The following TMEM131 variants were observed in gnomAD, a reference collection of about 807,000 sequenced individuals.
TMEM131 encodes the protein transmembrane protein 131.
Under a neutral mutation model 211.6 loss-of-function variants are expected in TMEM131, and 66 were observed. The observed-to-expected ratio is 0.31, with a 90% CI of 0.26 to 0.38. The LOEUF is 0.38. Among genes scored for constraint, TMEM131 ranks in the 10% least tolerant of loss-of-function variants. The probability of loss-of-function intolerance (pLI) is 1.00; values close to 1 mark genes in which losing one functional copy is unlikely to be tolerated. For synonymous variants in TMEM131, 844 were observed against 841.3 expected (o/e 1.00, Z -0.06); for missense variants, 2,036 against 2,299.3 (o/e 0.89, Z 2.34).
chr2:97,818,481 G>GGGGGAAAAAAAAAAAAA, intron 12 of TMEM131, 132 bp downstream of exon 12: 1 of 292,098 alleles, frequency 3.4e-6, no homozygotes, highest in Non-Finnish European at 6.4e-6. Flanking sequence ...GGCGGGGGGG[G>GGGGGAAAAAAAAAAAAA]ATCAACCTAA....
intron 17 of TMEM131, 62 bp from the exon 18 acceptor site, chr2:97,811,294 G>T (rs528411211): frequency 2.5e-6 from 3 of 1,207,946 alleles, no homozygotes; most frequent in Admixed American, 1.7e-5. Flanking sequence ...CTATTAAAAT[G>T]GACATGAAGG....
chr2:97,988,495 C>A (rs1015331753), intron 1 of TMEM131, among the ~76,000 whole-genome samples: 4 of 152,130 alleles, frequency 2.6e-5, no homozygotes, highest in African/African-American at 9.7e-5. Context: ...AAAAGGCAAC[C>A]TGCCAAATGG....
chr2:97,902,191 G>A (rs1241782968), intron 3 of TMEM131, among the ~76,000 whole-genome samples: 3 of 152,030 alleles, frequency 2.0e-5, no homozygotes, highest in African/African-American at 7.2e-5. Context: ...GTGGGGGTGG[G>A]AGAAGGATGA....
intron 1 of TMEM131, among the ~76,000 whole-genome samples, chr2:97,934,714 T>C (rs1401691497): frequency 2.6e-5 from 4 of 152,146 alleles, no homozygotes; most frequent in Non-Finnish European, 5.9e-5. Flanking sequence ...GAACCATATA[T>C]GCCTCACTGG....
At chr2:97,828,776 C>T (rs1682517005) in intron 11 of TMEM131, among the ~76,000 whole-genome samples, 1 of 152,210 alleles carries the variant, frequency 6.6e-6, no homozygotes, top group Non-Finnish European at 1.5e-5. Flanking sequence ...TCAGACAACG[C>T]CTTTCAAACT....
chr2:97,945,626 T>C (rs1308282484), intron 1 of TMEM131, among the ~76,000 whole-genome samples: 1 of 152,122 alleles, frequency 6.6e-6, no homozygotes, highest in Non-Finnish European at 1.5e-5. Context: ...CTTTCATGGA[T>C]ACAAATTCAT....
chr2:97,822,152 A>G (rs1316941496), intron 11 of TMEM131, among the ~76,000 whole-genome samples: 1 of 152,124 alleles, frequency 6.6e-6, no homozygotes, highest in Non-Finnish European at 1.5e-5. Context: ...ATGCCTTTCT[A>G]GTTTCTCCTA....
intron 1 of TMEM131, among the ~76,000 whole-genome samples, chr2:97,942,756 T>C (rs1456275977): frequency 6.6e-6 from 1 of 152,006 alleles, no homozygotes; most frequent in Non-Finnish European, 1.5e-5. Flanking sequence ...GTGGCTTCAC[T>C]GATGAATTCT....
intron 1 of TMEM131, among the ~76,000 whole-genome samples, chr2:97,935,210 A>G (rs759322463): frequency 2.6e-5 from 4 of 152,248 alleles, no homozygotes; most frequent in Non-Finnish European, 5.9e-5. Context: ...GTTCAACATC[A>G]TTAACCATCA....
rs1266420778 is a variant in TMEM131 at position 97,756,788 on chromosome 2, A to C, written c.*311T>G. On this transcript the variant is annotated 3_prime_UTR_variant, in exon 41 of 41. Coordinates refer to ENST00000186436, the MANE Select transcript of TMEM131 (RefSeq NM_015348.2). ...GTCAAATCTGTGTTCATACAGATAAATAAAGCATGGGGAAGACAGGTGGTG... is the reference window on the plus strand; with the variant it reads ...GTCAAATCTGTGTTCATACAGATAACTAAAGCATGGGGAAGACAGGTGGTG... 4 of 216,286 alleles carry C rather than the reference A, an allele frequency of 1.8e-5. No individual in the cohort carries two copies. The highest frequency in any genetic ancestry group is 4.5e-5 in the African/African-American group (2 of 43,986). 13.4% of individuals were successfully genotyped at this position (216,286 alleles called of 1,614,324 possible). A position where few individuals can be genotyped will look rare whatever the true frequency, so the allele number is the denominator to read the frequency against.
At chr2:97,911,432 T>G (rs1573545908) in intron 2 of TMEM131, among the ~76,000 whole-genome samples, 1 of 152,228 alleles carries the variant, frequency 6.6e-6, no homozygotes, top group East Asian at 1.9e-4. Flanking sequence ...CACATGCAGT[T>G]TATTGTATGT....
At chr2:97,833,275 T>G (rs1485363086) in intron 11 of TMEM131, 90 bp downstream of exon 11, 2 of 659,886 alleles carry the variant, frequency 3.0e-6, no homozygotes, top group Non-Finnish European at 5.0e-6. Flanking sequence ...TATAATTATT[T>G]TAGAATAAGG....
intron 19 of TMEM131, 33 bp downstream of exon 19, chr2:97,809,655 G>C (rs1681462370): frequency 6.6e-7 from 1 of 1,523,948 alleles, no homozygotes; most frequent in Admixed American, 1.8e-5. Flanking sequence ...CAAAAAACGA[G>C]CAATAGAAAA....
At chr2:97,913,927 A>G (rs1676397544) in intron 2 of TMEM131, among the ~76,000 whole-genome samples, 2 of 152,150 alleles carry the variant, frequency 1.3e-5, no homozygotes, top group African/African-American at 4.8e-5. Flanking sequence ...AGGCGATGAG[A>G]CTATGCTTCT....
intron 2 of TMEM131, among the ~76,000 whole-genome samples, chr2:97,921,026 C>T (rs574509784): frequency 2.0e-5 from 3 of 149,738 alleles, no homozygotes; most frequent in Admixed American, 2.0e-4. Flanking sequence ...TGAAAAGATA[C>T]ATATGGAAGG....
intron 8 of TMEM131, among the ~76,000 whole-genome samples, chr2:97,835,344 C>A (rs1682890588): frequency 6.6e-6 from 1 of 152,156 alleles, no homozygotes; most frequent in Non-Finnish European, 1.5e-5. Flanking sequence ...TTCTAGAAGT[C>A]CACAAGAACC....
chr2:97,848,350 G>A (rs1683541654), intron 5 of TMEM131, among the ~76,000 whole-genome samples: 1 of 152,136 alleles, frequency 6.6e-6, no homozygotes. Context: ...AAACTATTAT[G>A]GTTGTCCCTC....
At chr2:97,919,546 G>A (rs1460440844) in intron 2 of TMEM131, among the ~76,000 whole-genome samples, 3 of 152,024 alleles carry the variant, frequency 2.0e-5, no homozygotes, top group Non-Finnish European at 4.4e-5. Flanking sequence ...TTCTCTAGTT[G>A]CTTTTAGAAT....
chr2:97,948,262 A>G (rs898132412), intron 1 of TMEM131, among the ~76,000 whole-genome samples: 3 of 152,232 alleles, frequency 2.0e-5, no homozygotes, highest in South Asian at 4.1e-4. Flanking sequence ...GTAAAAATAC[A>G]AGCCACAGAC....
Sources: allele counts gnomAD v4.1 joint callset (sites outside exome capture counted in the v4.1 genomes callset), GRCh38; gene constraint gnomAD v4.1.1; transcripts MANE v1.5; gene names NCBI Gene and HGNC (gene_info 2026-07-23, HGNC 2026-07-21).